The following PCBP3 variants were observed in gnomAD, a reference collection of about 807,000 sequenced individuals.
PCBP3 encodes the protein poly(rC)-binding protein 3.
Under a neutral mutation model 52.7 loss-of-function variants are expected in PCBP3, and 25 were observed. That is an observed-to-expected ratio of 0.47 (90% confidence interval 0.35 to 0.66). The LOEUF is 0.66. Ranked by LOEUF, PCBP3 falls within the 30% of genes least tolerant of loss-of-function variation. PCBP3 has a pLI of 0.01. For missense variants in PCBP3, 391 were observed against 490.3 expected, an observed-to-expected ratio of 0.80 and a Z score of 1.91; for synonymous variants, 162 against 183.0, an observed-to-expected ratio of 0.89 and a Z score of 0.93.
rs115915775 is a variant in PCBP3 at position 45,853,095 on chromosome 21, C to G, written c.10+3000C>G. The stretch of plus-strand genomic sequence containing the variant: ...GAGCAGATGCGGAAAGTGCACATGC[C>G]GCTGGCCAGAGGGGGTGGGCTGGCA... On this transcript the variant is annotated intron_variant, in intron 5 of 17. Coordinates refer to ENST00000681687, the MANE Select transcript of PCBP3 (RefSeq NM_001384156.1). This position sits in a 1 kb window ranked among gnomAD's most constrained non-coding sequence, Gnocchi z 4.6. Among the ~76,000 whole-genome samples, 453 of 152,232 alleles carry G rather than the reference C, an allele frequency of 3.0e-3. 1 individual carries two copies. Among genetic ancestry groups the G allele is most frequent in the African/African-American group, 0.01 (421 of 41,528 alleles).
chr21:45,806,420 G>A (rs1209331892), intron 4 of PCBP3, among the ~76,000 whole-genome samples: 2 of 152,036 alleles, frequency 1.3e-5, no homozygotes, highest in Non-Finnish European at 1.5e-5. Context: ...GCACATAACC[G>A]CACCCTGGCT....
chr21:45,711,886 C>T (rs2148159821), intron 2 of PCBP3, among the ~76,000 whole-genome samples: 1 of 152,296 alleles, frequency 6.6e-6, no homozygotes, highest in African/African-American at 2.4e-5. Flanking sequence ...GAGTATCATA[C>T]AGGGTAGTTT....
intron 2 of PCBP3, among the ~76,000 whole-genome samples, chr21:45,715,063 AT>A (rs1555911187): frequency 2.0e-5 from 3 of 152,252 alleles, no homozygotes; most frequent in Non-Finnish European, 4.4e-5. Flanking sequence ...GGGTATCAAA[AT>A]GGATAAATCT....
At chr21:45,902,068 A>G (rs1264947532) in intron 9 of PCBP3, among the ~76,000 whole-genome samples, 1 of 152,168 alleles carries the variant, frequency 6.6e-6, no homozygotes, top group African/African-American at 2.4e-5. Context: ...GTGGGAGAGA[A>G]GAGGAGAGAT....
intron 13 of PCBP3, chr21:45,918,999 C>T (rs1437305279): frequency 1.3e-5 from 2 of 153,010 alleles, no homozygotes; most frequent in East Asian, 3.9e-4. Context: ...GGCTCAGACC[C>T]CTTAGGGGCC....
intron 2 of PCBP3, among the ~76,000 whole-genome samples, chr21:45,706,223 C>T (rs2083441777): frequency 6.6e-6 from 1 of 152,154 alleles, no homozygotes; most frequent in African/African-American, 2.4e-5. Flanking sequence ...GTCCAGGTCC[C>T]CTAACCAGGA....
At chr21:45,898,464 G>GCACACC (rs2095900540) in intron 6 of PCBP3, among the ~76,000 whole-genome samples, 1 of 129,536 alleles carries the variant, frequency 7.7e-6, no homozygotes, top group African/African-American at 3.2e-5. Flanking sequence ...CCATCCTCAT[G>GCACACC]GTCTCCCTCT....
intron 2 of PCBP3, among the ~76,000 whole-genome samples, chr21:45,720,959 G>C (rs564436991): frequency 2.1e-4 from 32 of 152,308 alleles, no homozygotes; most frequent in Admixed American, 7.2e-4. Context: ...TGGGTGTGGG[G>C]GCCCTTTCAG....
At chr21:45,887,288 A>G (rs60031918) in intron 5 of PCBP3, among the ~76,000 whole-genome samples, 1 of 152,228 alleles carries the variant, frequency 6.6e-6, no homozygotes, top group Non-Finnish European at 1.5e-5. Flanking sequence ...ATTGGGAAGC[A>G]CTGTGTGCTC....
At chr21:45,701,535 A>G (rs1336549821) in intron 2 of PCBP3, among the ~76,000 whole-genome samples, 2 of 152,208 alleles carry the variant, frequency 1.3e-5, no homozygotes, top group African/African-American at 2.4e-5. Flanking sequence ...TATAATAAAA[A>G]CATTTTATTA....
chr21:45,909,791 C>CCCACTGCCCAGATACGGA (rs2096300944), intron 10 of PCBP3, among the ~76,000 whole-genome samples: 1 of 3,882 alleles, frequency 2.6e-4, no homozygotes, highest in Non-Finnish European at 5.6e-4. Context: ...CAGATACGGA[C>CCCACTGCCCAGATACGGA]CCCCCCCCCA....
intron 4 of PCBP3, among the ~76,000 whole-genome samples, chr21:45,801,077 T>G (rs1313222630): frequency 6.6e-6 from 1 of 152,220 alleles, no homozygotes; most frequent in African/African-American, 2.4e-5. Flanking sequence ...CCAGCCATCA[T>G]TCTATCACCT....
chr21:45,914,286 A>G (rs1444194966), intron 12 of PCBP3: 1 of 567,906 alleles, frequency 1.8e-6, no homozygotes, highest in African/African-American at 1.9e-5. Context: ...GCTCTGCCTA[A>G]ATCCAGTTCC....
chr21:45,671,810 T>C (rs186434282), intron 2 of PCBP3, among the ~76,000 whole-genome samples: 60 of 152,254 alleles, frequency 3.9e-4, no homozygotes, highest in Non-Finnish European at 6.5e-4. Context: ...CTTATGTCAG[T>C]GGGGAGAGGG....
intron 2 of PCBP3, among the ~76,000 whole-genome samples, chr21:45,731,365 G>T (rs1216083893): frequency 6.6e-6 from 1 of 152,220 alleles, no homozygotes; most frequent in African/African-American, 2.4e-5. Flanking sequence ...GAATCATTGT[G>T]TGTAGAAGGT....
At chr21:45,773,508 A>G (rs753191181) in intron 4 of PCBP3, among the ~76,000 whole-genome samples, 2 of 152,116 alleles carry the variant, frequency 1.3e-5, no homozygotes, top group African/African-American at 2.4e-5. Context: ...ATGTCTATTC[A>G]TGTCCTTTGT....
intron 2 of PCBP3, among the ~76,000 whole-genome samples, chr21:45,689,559 T>C (rs1387179818): frequency 6.6e-6 from 1 of 152,014 alleles, no homozygotes; most frequent in African/African-American, 2.4e-5. Flanking sequence ...TTCTATTCAA[T>C]ATTATACTGG....
In PCBP3 at chr21:45,784,385, T is replaced by TCTACCGCTACCGCTACCC. The variant is rs1358533862; in HGVS notation, c.-126+28938_-126+28939insGCTACCGCTACCCCTACC. Among the ~76,000 whole-genome samples the TCTACCGCTACCGCTACCC allele has an allele frequency of 4.3e-5, 5 of 116,538 alleles. No individual in the cohort carries two copies. In the South Asian group the frequency reaches 1.0e-3, roughly 24 times the overall value. 76.5% of individuals were successfully genotyped at this position (116,538 alleles called of 152,430 possible). A position where few individuals can be genotyped will look rare whatever the true frequency, so the allele number is the denominator to read the frequency against. On this transcript the variant is annotated intron_variant, in intron 4 of 17. Transcript: ENST00000681687. ...CTCTACCTCTACCTCTACCTCTACC[T>TCTACCGCTACCGCTACCC]CTACCTCTACCGCTACCTCTACCGC... is the stretch of plus-strand genomic sequence containing the variant.
intron 15 of PCBP3, 98 bp from the exon 16 acceptor site, chr21:45,935,155 C>A (rs2076748716): frequency 1.2e-6 from 1 of 812,332 alleles, no homozygotes; most frequent in Non-Finnish European, 2.1e-6. Context: ...AGCTCTACAG[C>A]CCTGTCTCAC....
Sources: allele counts gnomAD v4.1 joint callset (sites outside exome capture counted in the v4.1 genomes callset), GRCh38; gene constraint gnomAD v4.1.1; non-coding constraint Gnocchi (gnomAD v3.1); transcripts MANE v1.5; gene names NCBI Gene and HGNC (gene_info 2026-07-23, HGNC 2026-07-21).